The following ADD3 variants were observed in gnomAD, a reference collection of about 807,000 sequenced individuals.
The protein encoded by ADD3 is adducin 3, also known as gamma-adducin.
Under a neutral mutation model 80.2 loss-of-function variants are expected in ADD3, and 25 were observed. The ratio of observed to expected loss-of-function variants is 0.31; its 90% CI spans 0.23 to 0.44. ADD3 has a LOEUF of 0.44. Ranked by LOEUF, ADD3 falls within the 20% of genes least tolerant of loss-of-function variation. The pLI is 1.00. For synonymous variants in ADD3, 284 were observed against 289.6 expected, an observed-to-expected ratio of 0.98 and a Z score of 0.20; for missense variants, 829 against 847.5, an observed-to-expected ratio of 0.98 and a Z score of 0.27.
chr10:110,126,559 G>T, intron 12 of ADD3, 56 bp downstream of exon 12: 1 of 1,221,430 alleles, frequency 8.2e-7, no homozygotes, highest in South Asian at 1.3e-5. Flanking sequence ...TAATTTCATT[G>T]ATTTTTAAAT....
chr10:110,112,668 G>A (rs1590175600), intron 2 of ADD3, 109 bp from the exon 3 acceptor site: 2 of 1,292,658 alleles, frequency 1.5e-6, no homozygotes, highest in East Asian at 4.7e-5. Flanking sequence ...AAATAGTACA[G>A]GTAAAAGCTA....
At chr10:110,083,039 A>T (rs151255475) in intron 1 of ADD3, among the ~76,000 whole-genome samples, 45 of 152,294 alleles carry the variant, frequency 3.0e-4, no homozygotes, top group African/African-American at 1.0e-3. Context: ...GAGTTAATAA[A>T]CCCTTATTGA....
Position 110,118,696 on chromosome 10 carries a change from T to C in ADD3, c.677T>C (p.Val226Ala), listed in dbSNP as rs746876808. ...HAAIYSTRPD[V>A]KCVIHIHTLA... ...GCAATCTATTCAACACGTCCTGATGTTAAGTGTGTGATACACATCCATACC... is the reference window on the plus strand; with the variant it reads ...GCAATCTATTCAACACGTCCTGATGCTAAGTGTGTGATACACATCCATACC... The change falls in exon 6 of 15, where the codon GTT becomes GCT. Residue 226 changes from valine to alanine, a missense_variant. Transcript: ENST00000356080. 1.2e-6 allele frequency: 2 copies of C among 1,614,148 alleles called. No individual in the cohort carries two copies. Among genetic ancestry groups the C allele is most frequent in the Non-Finnish European group, 1.7e-6 (2 of 1,180,008 alleles).
In ADD3 at chr10:110,008,114, C is replaced by T. The variant is rs1851836515; in HGVS notation, c.-215C>T. On this transcript the variant is annotated 5_prime_UTR_variant, in exon 1 of 15. Coordinates refer to ENST00000356080, the MANE Select transcript of ADD3 (RefSeq NM_016824.5). Reference sequence around the variant, plus strand: ...GTCGGCATCCCAGGTGTCGCCGCTTCCTGCTGCACAGGGCTCGGCGTACAG... The same window carrying T: ...GTCGGCATCCCAGGTGTCGCCGCTTTCTGCTGCACAGGGCTCGGCGTACAG... The T allele has an allele frequency of 6.6e-6, 1 of 152,484 alleles. No individual in the cohort carries two copies. Among genetic ancestry groups the T allele is most frequent in the African/African-American group, 2.4e-5 (1 of 41,584 alleles). 9.4% of individuals were successfully genotyped at this position (152,484 alleles called of 1,614,324 possible). A position where few individuals can be genotyped will look rare whatever the true frequency, so the allele number is the denominator to read the frequency against.
chr10:110,064,554 A>C (rs1337385195), intron 1 of ADD3, among the ~76,000 whole-genome samples: 1 of 152,168 alleles, frequency 6.6e-6, no homozygotes, highest in Non-Finnish European at 1.5e-5. Context: ...AGTGCTGTTC[A>C]CGTCTTTTAC....
At chr10:110,010,668 A>C (rs937530665) in intron 1 of ADD3, among the ~76,000 whole-genome samples, 1 of 152,228 alleles carries the variant, frequency 6.6e-6, no homozygotes, top group Admixed American at 6.5e-5. Flanking sequence ...AGAGTTTTAT[A>C]TGATTTAATT....
chr10:110,069,438 C>G (rs1844398753), intron 1 of ADD3, among the ~76,000 whole-genome samples: 3 of 152,158 alleles, frequency 2.0e-5, no homozygotes, highest in Non-Finnish European at 4.4e-5. Flanking sequence ...ATCACCTTAG[C>G]CCATTTTTCA....
At chr10:110,035,963 C>A (rs957427946) in intron 1 of ADD3, among the ~76,000 whole-genome samples, 11 of 151,998 alleles carry the variant, frequency 7.2e-5, no homozygotes, top group African/African-American at 2.7e-4. Context: ...CCAGCCTGGT[C>A]AACATGATGA....
chr10:110,115,219 G>A (rs181996473), intron 3 of ADD3, among the ~76,000 whole-genome samples: 1 of 151,992 alleles, frequency 6.6e-6, no homozygotes, highest in Admixed American at 6.6e-5. Context: ...GAAAAAACCT[G>A]TCTCTACTAA....
chr10:110,111,230 G>GA (rs1316412516), intron 2 of ADD3, among the ~76,000 whole-genome samples: 1 of 152,194 alleles, frequency 6.6e-6, no homozygotes, highest in Non-Finnish European at 1.5e-5. Flanking sequence ...CAGAGTGGGG[G>GA]AAATGGAGCT....
chr10:110,107,855 A>C (rs145580882), intron 2 of ADD3, among the ~76,000 whole-genome samples: 3 of 152,268 alleles, frequency 2.0e-5, no homozygotes, highest in Non-Finnish European at 4.4e-5. Flanking sequence ...TTTTGTGGCA[A>C]CACTTGAAGA....
intron 1 of ADD3, among the ~76,000 whole-genome samples, chr10:110,039,611 A>G (rs1856054641): frequency 6.6e-6 from 1 of 152,252 alleles, no homozygotes; most frequent in Non-Finnish European, 1.5e-5. Context: ...TTAGTTATCT[A>G]TTGCTACATA....
intron 1 of ADD3, among the ~76,000 whole-genome samples, chr10:110,066,228 T>G (rs1843941349): frequency 6.6e-6 from 1 of 152,116 alleles, no homozygotes. Context: ...AAAAGACAGA[T>G]AAGGCTTTTT....
intron 2 of ADD3, chr10:110,112,239 G>C (rs1850130082): frequency 6.6e-6 from 1 of 152,378 alleles, no homozygotes; most frequent in Non-Finnish European, 1.5e-5. Context: ...TCCTGCCTCA[G>C]CCTCCTGAGT....
chr10:110,112,718 C>G, intron 2 of ADD3, 59 bp from the exon 3 acceptor site: 1 of 1,556,268 alleles, frequency 6.4e-7, no homozygotes, highest in East Asian at 2.3e-5. Flanking sequence ...TGTATCGGAA[C>G]AAGTTACTTT....
chr10:110,046,131 T>A (rs1011772144), intron 1 of ADD3, among the ~76,000 whole-genome samples: 3 of 152,208 alleles, frequency 2.0e-5, no homozygotes, highest in Non-Finnish European at 2.9e-5. Context: ...GCTTGATGTG[T>A]ACCATAGATT....
chr10:110,121,645 G>T (rs1851512202), intron 8 of ADD3, among the ~76,000 whole-genome samples: 1 of 152,094 alleles, frequency 6.6e-6, no homozygotes, highest in Non-Finnish European at 1.5e-5. Flanking sequence ...TGCTTTAATG[G>T]TTCCTCCTCT....
upstream of ADD3, chr10:110,007,864 T>G (rs1280205093): frequency 5.3e-4 from 42 of 79,280 alleles, no homozygotes; most frequent in African/African-American, 2.0e-3. Flanking sequence ...GCCAGAGGCG[T>G]AGGGGGCTGC....
chr10:110,029,790 G>T (rs1854770839), intron 1 of ADD3, among the ~76,000 whole-genome samples: 1 of 152,178 alleles, frequency 6.6e-6, no homozygotes, highest in South Asian at 2.1e-4. Context: ...GTTGCTTACG[G>T]TTTAGTTGAA....
Sources: gnomAD v4.1 joint callset for allele counts (sites outside exome capture counted in the v4.1 genomes callset) on GRCh38, gnomAD v4.1.1 for gene constraint, MANE v1.5 for transcripts, NCBI Gene and HGNC (gene_info 2026-07-23, HGNC 2026-07-21) for gene names.